Variants in ZNF804A observed in about 807,000 individuals in gnomAD.
ZNF804A encodes the protein zinc finger protein 804A.
In ZNF804A, 2 loss-of-function variants were observed where a neutral mutation model predicts 16.5. The ratio of observed to expected loss-of-function variants is 0.12; its 90% CI spans 0.05 to 0.38. ZNF804A has a LOEUF of 0.38. Ranked by LOEUF, ZNF804A falls within the 10% of genes least tolerant of loss-of-function variation. The pLI, the probability that ZNF804A is intolerant of heterozygous loss-of-function variation, is 0.99. For missense variants in ZNF804A, 1,473 were observed against 1,390.7 expected (o/e 1.06, Z -0.94); for synonymous variants, 534 against 489.6 (o/e 1.09, Z -1.20).
intron 2 of ZNF804A, among the ~76,000 whole-genome samples, chr2:184,881,264 A>G (rs1380107678): frequency 6.6e-6 from 1 of 152,090 alleles, no homozygotes; most frequent in Non-Finnish European, 1.5e-5. Context: ...GAAATATGTG[A>G]TTATGTGAAG....
chr2:184,875,814 A>C (rs1247331357), intron 2 of ZNF804A, among the ~76,000 whole-genome samples: 5 of 151,862 alleles, frequency 3.3e-5, no homozygotes, highest in Non-Finnish European at 5.9e-5. Flanking sequence ...AAAGAGAAAA[A>C]AATTTCCTGT....
At chr2:184,826,050 T>TTTATTTAC (rs1193317117) in intron 1 of ZNF804A, among the ~76,000 whole-genome samples, 21 of 151,682 alleles carry the variant, frequency 1.4e-4, no homozygotes, top group African/African-American at 5.1e-4. Context: ...TATTTATTTA[T>TTTATTTAC]TTATTTTGTA....
intron 2 of ZNF804A, among the ~76,000 whole-genome samples, chr2:184,885,923 GT>G (rs1412687126): frequency 1.3e-5 from 2 of 152,038 alleles, no homozygotes; most frequent in African/African-American, 4.8e-5. Context: ...CATTCCAACC[GT>G]GGCCTCTCCA....
At chr2:184,695,046 C>T (rs1011601911) in intron 1 of ZNF804A, among the ~76,000 whole-genome samples, 1 of 152,074 alleles carries the variant, frequency 6.6e-6, no homozygotes, top group Non-Finnish European at 1.5e-5. Flanking sequence ...CCTGGATGGG[C>T]GAAACTCCTG....
intron 2 of ZNF804A, among the ~76,000 whole-genome samples, chr2:184,921,400 G>A (rs190804065): frequency 6.6e-6 from 1 of 152,242 alleles, no homozygotes; most frequent in Non-Finnish European, 1.5e-5. Context: ...AGAAGATCAA[G>A]ATTAGTACAA....
intron 2 of ZNF804A, among the ~76,000 whole-genome samples, chr2:184,918,079 G>T (rs1412943665): frequency 6.6e-6 from 1 of 152,028 alleles, no homozygotes; most frequent in African/African-American, 2.4e-5. Context: ...ACAGGAAATG[G>T]TAATACTAAG....
chr2:184,679,475 T>C (rs1281356541), intron 1 of ZNF804A, among the ~76,000 whole-genome samples: 2 of 152,072 alleles, frequency 1.3e-5, no homozygotes, highest in Admixed American at 1.3e-4. Flanking sequence ...CCCTCCCCGG[T>C]GCAGCTACTA....
At chr2:184,608,112 A>AT (rs1212888489) in intron 1 of ZNF804A, among the ~76,000 whole-genome samples, 1 of 150,368 alleles carries the variant, frequency 6.7e-6, no homozygotes, top group East Asian at 2.0e-4. Flanking sequence ...CGCCCGGCTA[A>AT]TTTTTTGTAT....
intron 2 of ZNF804A, among the ~76,000 whole-genome samples, chr2:184,867,882 C>G (rs1219501427): frequency 6.6e-6 from 1 of 152,022 alleles, no homozygotes; most frequent in African/African-American, 2.4e-5. Flanking sequence ...TATATTACTA[C>G]ACATATGTCT....
At chr2:184,838,596 A>G (rs1001711155) in intron 1 of ZNF804A, among the ~76,000 whole-genome samples, 1 of 152,156 alleles carries the variant, frequency 6.6e-6, no homozygotes, top group South Asian at 2.1e-4. Flanking sequence ...GACATTAAAT[A>G]TTCATATTTT....
chr2:184,669,320 T>C lies in ZNF804A; in HGVS notation c.111+70250T>C, dbSNP rs939383234. 2.4e-4 allele frequency among the ~76,000 whole-genome samples: 37 copies of C among 152,086 alleles called. 1 individual carries two copies. Among genetic ancestry groups the C allele is most frequent in the African/African-American group, 8.7e-4 (36 of 41,442 alleles). ...ACTTCATACAAGTGAGATTCTTATA[T>C]AGTGTATAATTATTTGTTGTTTATG... On this transcript the variant is annotated intron_variant, in intron 1 of 3. Coordinates refer to ENST00000302277, the MANE Select transcript of ZNF804A (RefSeq NM_194250.2).
Position 184,745,040 on chromosome 2 carries a change from T to C in ZNF804A, c.112-121329T>C, listed in dbSNP as rs568670080. Among the ~76,000 whole-genome samples, 17 of 151,896 alleles carry C rather than the reference T, an allele frequency of 1.1e-4. No individual in the cohort carries two copies. The East Asian group carries it at 3.3e-3, about 29-fold the overall frequency. ...ATCTATTCAGTGGTTAAAAGTGCCT[T>C]TTAAAAACACTGTTGCTCTAAGGAT... On this transcript the variant is annotated intron_variant, in intron 1 of 3. Coordinates refer to ENST00000302277, the MANE Select transcript of ZNF804A (RefSeq NM_194250.2).
chr2:184,881,749 G>C (rs1684813103), intron 2 of ZNF804A, among the ~76,000 whole-genome samples: 1 of 151,948 alleles, frequency 6.6e-6, no homozygotes, highest in African/African-American at 2.4e-5. Flanking sequence ...ATTTCATAAT[G>C]ACCAAATAAC....
chr2:184,618,263 C>A (rs762373791), intron 1 of ZNF804A, among the ~76,000 whole-genome samples: 7 of 152,014 alleles, frequency 4.6e-5, no homozygotes, highest in Middle Eastern at 3.2e-3. Context: ...TTGGTATAAA[C>A]ATCTGGATAC....
chr2:184,906,382 G>C (rs968946966), intron 2 of ZNF804A, among the ~76,000 whole-genome samples: 1 of 151,980 alleles, frequency 6.6e-6, no homozygotes, highest in Non-Finnish European at 1.5e-5. Flanking sequence ...CACAGTACCC[G>C]CAACCTTCCA....
In ZNF804A at chr2:184,717,724, A is replaced by G. The variant is rs972933411; in HGVS notation, c.111+118654A>G. Among the ~76,000 whole-genome samples the G allele has an allele frequency of 1.3e-5, 2 of 152,208 alleles. 1 individual carries two copies. The highest frequency in any genetic ancestry group is 1.3e-4 in the Admixed American group (2 of 15,278). ...ATATTTGTGCATGTTTATGGAGTAC[A>G]TGTGATATTTCGTTACATGCATATA... On this transcript the variant is annotated intron_variant, in intron 1 of 3. Coordinates refer to ENST00000302277, the MANE Select transcript of ZNF804A (RefSeq NM_194250.2).
intron 1 of ZNF804A, among the ~76,000 whole-genome samples, chr2:184,802,448 G>A (rs1215655113): frequency 6.6e-6 from 1 of 152,158 alleles, no homozygotes; most frequent in Non-Finnish European, 1.5e-5. Flanking sequence ...TGTGGAAACT[G>A]CTAAGACTGT....
chr2:184,636,778 A>G (rs1691707046), intron 1 of ZNF804A, among the ~76,000 whole-genome samples: 1 of 152,110 alleles, frequency 6.6e-6, no homozygotes, highest in Non-Finnish European at 1.5e-5. Context: ...ATTATAGTTT[A>G]CATTATGGTT....
At chr2:184,627,575 T>G (rs1305112728) in intron 1 of ZNF804A, among the ~76,000 whole-genome samples, 1 of 152,228 alleles carries the variant, frequency 6.6e-6, no homozygotes, top group Non-Finnish European at 1.5e-5. Flanking sequence ...AGTTTCATAA[T>G]TATTATTAGC....
Sources: gnomAD v4.1 joint callset for allele counts (sites outside exome capture counted in the v4.1 genomes callset) on GRCh38, gnomAD v4.1.1 for gene constraint, MANE v1.5 for transcripts, NCBI Gene and HGNC (gene_info 2026-07-23, HGNC 2026-07-21) for gene names.